Variants in KRT1 observed in about 807,000 individuals in gnomAD.
The protein encoded by KRT1 is keratin, type II cytoskeletal 1.
Under a neutral mutation model 51.6 loss-of-function variants are expected in KRT1, and 28 were observed. The observed-to-expected ratio is 0.54, with a 90% CI of 0.40 to 0.74. The LOEUF is 0.74. Among genes scored for constraint, KRT1 ranks in the 30% least tolerant of loss-of-function variants. The pLI is 0.00. For missense variants in KRT1, 783 were observed against 815.5 expected (o/e 0.96, Z 0.49); for synonymous variants, 301 against 307.7 (o/e 0.98, Z 0.23).
At position 52,675,150 on chromosome 12, in the gene KRT1, A is replaced by T. The variant is rs1353897954; in HGVS notation, c.*43T>A. The stretch of plus-strand genomic sequence containing the variant: ...GTCTTGCCAAGCATATTTGTTAGTG[A>T]TGCTGGGGGAGAACTAGAGCTAATG... On this transcript the variant is annotated 3_prime_UTR_variant, in exon 9 of 9. Transcript: ENST00000252244. 1 of 1,610,134 alleles carries T rather than the reference A, an allele frequency of 6.2e-7. No individual in the cohort carries two copies. Among genetic ancestry groups the T allele is most frequent in the Non-Finnish European group, 8.5e-7 (1 of 1,177,940 alleles).
At position 52,675,377 on chromosome 12, in the gene KRT1, C is replaced by G; in HGVS notation, c.1751G>C (p.Ser584Thr). Reference protein sequence around the residue: ...GHGSYGSGSSSGGYRGGSGGG... With the variant: ...GHGSYGSGSSTGGYRGGSGGG... Reference sequence around the variant, plus strand: ...TCCAGAGCCACCTCTGTAGCCCCCACTGCTGCTTCCGGAGCCGTAGCTGCC... The same window carrying G: ...TCCAGAGCCACCTCTGTAGCCCCCAGTGCTGCTTCCGGAGCCGTAGCTGCC... Residue 584 changes from serine (S) to threonine (T), a missense_variant, in exon 9 of 9, where the codon AGT becomes ACT. Ser to Thr is a moderately conservative substitution (Grantham distance 58, BLOSUM62 1). Transcript: ENST00000252244. The G allele has an allele frequency of 1.9e-6, 3 of 1,607,494 alleles. No homozygotes were observed. Among genetic ancestry groups the G allele is most frequent in the Non-Finnish European group, 1.7e-6 (2 of 1,178,278 alleles).
At chr12:52,677,532 C>G (rs1202198927) in intron 4 of KRT1, 52 bp from the exon 5 acceptor site, 1 of 1,611,532 alleles carries the variant, frequency 6.2e-7, no homozygotes, top group South Asian at 1.1e-5. Context: ...CAAAAAACAA[C>G]TTAGACAGAG....
intron 8 of KRT1, 34 bp from the exon 9 acceptor site, chr12:52,675,651 A>T (rs1386901878): frequency 6.2e-7 from 1 of 1,613,798 alleles, no homozygotes; most frequent in African/African-American, 1.3e-5. Context: ...TTCAACCTCA[A>T]CTCCGTTTCC....
In KRT1 at chr12:52,676,327, G is replaced by A. The variant is rs774048256; in HGVS notation, c.1423C>T (p.Leu475=). The A allele has an allele frequency of 2.5e-6, 4 of 1,614,026 alleles. No individual in the cohort carries two copies. The highest frequency in any genetic ancestry group is 3.4e-6 in the Non-Finnish European group (4 of 1,180,038). The change falls in exon 7 of 9, where the codon CTG becomes TTG. Residue 475 remains leucine (L), a synonymous_variant. Coordinates refer to ENST00000252244, the MANE Select transcript of KRT1 (RefSeq NM_006121.4). ...CTGTAGGTGGCAATCTCCAGATCCAGGGCCAGCTTTGTGTTCATCAGCTCC... is the reference window on the plus strand; with the variant it reads ...CTGTAGGTGGCAATCTCCAGATCCAAGGCCAGCTTTGTGTTCATCAGCTCC... The part of the protein sequence containing the change: ...YQELMNTKLA[L]DLEIATYRTL...
Position 52,680,101 on chromosome 12 carries a change from C to T in KRT1, c.248G>A (p.Gly83Glu). ...SKSISISVAR[G>E]GGRGSGFGGG... ...ACCAAAGCCACTACCACGTCCACCT[C>T]CTCTAGCCACACTTATGGAGATGCT... The change falls in exon 1 of 9, where the codon GGA becomes GAA. Residue 83 changes from glycine to glutamate, a missense_variant. Gly to Glu is a moderately conservative substitution (Grantham distance 98). Transcript: ENST00000252244. 1.3e-6 allele frequency: 2 copies of T among 1,559,558 alleles called. No individual in the cohort carries two copies. Among genetic ancestry groups the T allele is most frequent in the Non-Finnish European group, 1.7e-6 (2 of 1,151,666 alleles).
At position 52,675,561 on chromosome 12, in the gene KRT1, C is replaced by A; in HGVS notation, c.1567G>T (p.Gly523Cys). ...SGGGSRGGGG[G>C]GYGSGGSSYG... Reference sequence around the variant, plus strand: ...CTGCTACCTCCAGAGCCGTAGCCACCGCCGCCACCTCCTCGGCTGCCACCT... The same window carrying A: ...CTGCTACCTCCAGAGCCGTAGCCACAGCCGCCACCTCCTCGGCTGCCACCT... Residue 523 changes from glycine to cysteine, a missense_variant, in exon 9 of 9, where the codon GGT (glycine) becomes TGT (cysteine). Coordinates refer to ENST00000252244, the MANE Select transcript of KRT1 (RefSeq NM_006121.4). The A allele has an allele frequency of 1.2e-6, 2 of 1,614,090 alleles. No homozygotes were observed. Among genetic ancestry groups the A allele is most frequent in the Non-Finnish European group, 1.7e-6 (2 of 1,179,992 alleles).
chr12:52,675,266 C>A lies in KRT1; in HGVS notation c.1862G>T (p.Gly621Val). 1 of 1,613,856 alleles carries A rather than the reference C, an allele frequency of 6.2e-7. No homozygotes were observed. Among genetic ancestry groups the A allele is most frequent in the Non-Finnish European group, 8.5e-7 (1 of 1,179,994 alleles). The change falls in exon 9 of 9, where the codon GGG becomes GTG. Residue 621 changes from glycine (G) to valine (V), a missense_variant. Transcript: ENST00000252244. ...GSIGGRGSSS[G>V]GVKSSGGSSS... Reference sequence around the variant, plus strand: ...ACTGCCACCAGAGGACTTGACACCCCCAGAGCTGGATCCCCGGCCTCCTAT... The same window carrying A: ...ACTGCCACCAGAGGACTTGACACCCACAGAGCTGGATCCCCGGCCTCCTAT...
chr12:52,676,897 G>C (rs776837340), intron 6 of KRT1, among the ~76,000 whole-genome samples, 162 bp downstream of exon 6: 3 of 152,188 alleles, frequency 2.0e-5, no homozygotes, highest in Non-Finnish European at 2.9e-5. Context: ...AACCCAGCAT[G>C]ATGGCTGCAT....
chr12:52,676,446 T>G lies in KRT1; in HGVS notation c.1304A>C (p.Asn435Thr). The G allele has an allele frequency of 1.2e-6, 2 of 1,614,176 alleles. No individual in the cohort carries two copies. Among genetic ancestry groups the G allele is most frequent in the South Asian group, 2.2e-5 (2 of 91,084 alleles). ...CTTGTTCTTGGCATCCTTGAGGGCATTCTCGCCACGCTGCTCTGCATCACT... is the reference window on the plus strand; with the variant it reads ...CTTGTTCTTGGCATCCTTGAGGGCAGTCTCGCCACGCTGCTCTGCATCACT... ...SISDAEQRGE[N>T]ALKDAKNKLN... The change falls in exon 7 of 9, where the codon AAT becomes ACT. Residue 435 changes from asparagine (N) to threonine (T), a missense_variant. Physicochemically the swap from Asn to Thr is moderately conservative, Grantham distance 65. Coordinates refer to ENST00000252244, the MANE Select transcript of KRT1 (RefSeq NM_006121.4).
At chr12:52,678,307 A>G (rs1592265835) in intron 2 of KRT1, 84 bp from the exon 3 acceptor site, 30 of 1,353,752 alleles carry the variant, frequency 2.2e-5, no homozygotes, top group South Asian at 2.0e-4. Context: ...GGCATTGCCT[A>G]TCACTGCCTT....
At position 52,676,492 on chromosome 12, in the gene KRT1, A is replaced by C; in HGVS notation, c.1258T>G (p.Ser420Ala). The change falls in exon 7 of 9, where the codon TCC becomes GCC. Residue 420 changes from serine to alanine, a missense_variant. Transcript: ENST00000252244. ...SEIDNVKKQI[S>A]NLQQSISDAE... The stretch of plus-strand genomic sequence containing the variant: ...TCACTGATGGACTGCTGCAAGTTGG[A>C]GATCTGAAAAAGAATATGACACCCT... 1.9e-6 allele frequency: 3 copies of C among 1,614,146 alleles called. No individual in the cohort carries two copies. The highest frequency in any genetic ancestry group is 2.5e-6 in the Non-Finnish European group (3 of 1,180,014).
Position 52,675,546 on chromosome 12 carries a change from C to T in KRT1, c.1582G>A (p.Gly528Arg). 1 of 1,610,970 alleles carries T rather than the reference C, an allele frequency of 6.2e-7. No individual in the cohort carries two copies. Among genetic ancestry groups the T allele is most frequent in the Middle Eastern group, 1.7e-4 (1 of 6,020 alleles). ...CCTCCGGAGCCATAGCTGCTACCTC[C>T]AGAGCCGTAGCCACCGCCGCCACCT... is the stretch of plus-strand genomic sequence containing the variant. ...RGGGGGGYGS[G>R]GSSYGSGGGS... is the part of the protein sequence containing the mutation. Residue 528 changes from glycine to arginine, a missense_variant, in exon 9 of 9, where the codon GGA (glycine) becomes AGA (arginine). Physicochemically the swap from Gly to Arg is moderately radical, Grantham distance 125 (BLOSUM62 -2). Coordinates refer to ENST00000252244, the MANE Select transcript of KRT1 (RefSeq NM_006121.4).
chr12:52,677,479 T>A lies in KRT1; in HGVS notation c.965A>T (p.Glu322Val), dbSNP rs754534920. ...IDFLTALYQAELSQMQTQISE... is the reference protein window; with the variant it reads ...IDFLTALYQAVLSQMQTQISE... ...GATTTGAGTCTGCATCTGAGACAAC[T>A]CCTGCAAGACATAATAGGTTAGTGA... is the stretch of plus-strand genomic sequence containing the variant. Residue 322 changes from glutamate (E) to valine (V), a missense_variant and splice_region_variant, in exon 5 of 9, where the codon GAG becomes GTG. Transcript: ENST00000252244. 8 of 1,614,108 alleles carry A rather than the reference T, an allele frequency of 5.0e-6. No homozygotes were observed. In the South Asian group the frequency reaches 7.7e-5, roughly 16 times the overall value.
intron 6 of KRT1, 131 bp downstream of exon 6, chr12:52,676,928 C>T (rs921837992): frequency 1.6e-6 from 2 of 1,280,822 alleles, no homozygotes; most frequent in Admixed American, 3.8e-5. Context: ...AGCATAGTCA[C>T]AAAAGGAACC....
rs778385632 is a variant in KRT1 at position 52,680,066 on chromosome 12, C to T, written c.283G>A (p.Gly95Ser). Residue 95 changes from glycine to serine, a missense_variant, in exon 1 of 9, where the codon GGT (glycine) becomes AGT (serine). Physicochemically the swap from Gly to Ser is moderately conservative, Grantham distance 56. Coordinates refer to ENST00000252244, the MANE Select transcript of KRT1 (RefSeq NM_006121.4). ...GRGSGFGGGY[G>S]GGGFGGGGFG... is the part of the protein sequence containing the mutation. The stretch of plus-strand genomic sequence containing the variant: ...CCACCACCACCAAAGCCACCACCAC[C>T]ATAACCACCACCAAAGCCACTACCA... The T allele has an allele frequency of 1.3e-6, 2 of 1,555,068 alleles. No homozygotes were observed. Among genetic ancestry groups the T allele is most frequent in the South Asian group, 2.4e-5 (2 of 84,908 alleles).
chr12:52,680,287 G>C lies in KRT1; in HGVS notation c.62C>G (p.Ser21Cys). Residue 21 changes from serine to cysteine, a missense_variant, in exon 1 of 9, where the codon TCT (serine) becomes TGT (cysteine). Transcript: ENST00000252244. ...GCGCTGGTAGTTGATGATCCCAGCA[G>C]AGCCAGAGCTGAAGCCCCCTCCACT... ...YRSGGGFSSGSAGIINYQRRT... is the reference protein window; with the variant it reads ...YRSGGGFSSGCAGIINYQRRT... The C allele has an allele frequency of 6.2e-7, 1 of 1,614,218 alleles. No homozygotes were observed. The highest frequency in any genetic ancestry group is 8.5e-7 in the Non-Finnish European group (1 of 1,180,024).
chr12:52,677,399 T>A lies in KRT1; in HGVS notation c.1045A>T (p.Ser349Cys). The change falls in exon 5 of 9, where the codon AGC (serine) becomes TGC (cysteine). Residue 349 changes from serine to cysteine, a missense_variant. Transcript: ENST00000252244. ...MDNNRSLDLD[S>C]IIAEVKAQYE... The stretch of plus-strand genomic sequence containing the variant: ...TGGGCCTTGACCTCAGCAATGATGC[T>A]GTCCAGGTCGAGACTGCGGTTGTTG... 6.2e-7 allele frequency: 1 copy of A among 1,614,238 alleles called. No homozygotes were observed. Among genetic ancestry groups the A allele is most frequent in the Non-Finnish European group, 8.5e-7 (1 of 1,180,046 alleles).
At position 52,675,058 on chromosome 12, in the gene KRT1, A is replaced by G; in HGVS notation, c.*135T>C. 1 of 1,135,844 alleles carries G rather than the reference A, an allele frequency of 8.8e-7. No individual in the cohort carries two copies. Among genetic ancestry groups the G allele is most frequent in the Admixed American group, 1.7e-5 (1 of 59,288 alleles). 70.4% of individuals were successfully genotyped at this position (1,135,844 alleles called of 1,614,324 possible). A position where few individuals can be genotyped will look rare whatever the true frequency, so the allele number is the denominator to read the frequency against. ...ACAGCAGAAAAGAAAGAGCTGGGGG[A>G]ATAGGATGAGCTAGTGTAACTAACC... On this transcript the variant is annotated 3_prime_UTR_variant, in exon 9 of 9. Coordinates refer to ENST00000252244, the MANE Select transcript of KRT1 (RefSeq NM_006121.4).
At chr12:52,677,012 T>C (rs1941516154) in intron 6 of KRT1, 47 bp downstream of exon 6, 2 of 1,607,424 alleles carry the variant, frequency 1.2e-6, no homozygotes, top group Non-Finnish European at 1.7e-6. Context: ...TACCTGAGGG[T>C]TACCCCCATT....
Sources: gnomAD v4.1 joint callset for allele counts (sites outside exome capture counted in the v4.1 genomes callset) on GRCh38, gnomAD v4.1.1 for gene constraint, MANE v1.5 for transcripts, NCBI Gene and HGNC (gene_info 2026-07-23, HGNC 2026-07-21) for gene names.